RALYL: variants seen among roughly 807,000 people sequenced by gnomAD.
The protein encoded by RALYL is RALY RNA binding protein like.
In RALYL, 29 loss-of-function variants were observed where a neutral mutation model predicts 35.1. That is an observed-to-expected ratio of 0.83 (90% CI 0.61 to 1.13). The LOEUF is 1.13. Among genes scored for constraint, RALYL ranks in the 50% most tolerant of loss-of-function variants. The pLI, the probability that RALYL is intolerant of heterozygous loss-of-function variation, is 0.00. For synonymous variants in RALYL, 120 were observed against 127.6 expected, an observed-to-expected ratio of 0.94 and a Z score of 0.40; for missense variants, 359 against 360.4, an observed-to-expected ratio of 1.00 and a Z score of 0.03.
intron 2 of RALYL, among the ~76,000 whole-genome samples, chr8:84,719,981 G>A (rs754858393): frequency 1.3e-5 from 2 of 151,926 alleles, no homozygotes; most frequent in Non-Finnish European, 2.9e-5. Flanking sequence ...AATGAGACCA[G>A]CATTTTTAGA....
At chr8:84,211,438 C>T (rs1475163547) in intron 1 of RALYL, among the ~76,000 whole-genome samples, 1 of 152,090 alleles carries the variant, frequency 6.6e-6, no homozygotes, top group Non-Finnish European at 1.5e-5. Flanking sequence ...GCAACTTGCC[C>T]ATCTTCTCCA....
At chr8:84,742,253 A>C (rs1807547332) in intron 2 of RALYL, among the ~76,000 whole-genome samples, 1 of 151,894 alleles carries the variant, frequency 6.6e-6, no homozygotes, top group Admixed American at 6.6e-5. Context: ...TAATAGCAAA[A>C]TTTTCTGCCA....
intron 1 of RALYL, among the ~76,000 whole-genome samples, chr8:84,200,586 C>A (rs990444531): frequency 2.0e-5 from 3 of 151,880 alleles, no homozygotes; most frequent in African/African-American, 7.3e-5. Context: ...TTAACTAAAC[C>A]ACAACAGTTT....
chr8:84,916,191 G>A (rs996551904), intron 8 of RALYL, among the ~76,000 whole-genome samples: 1 of 151,956 alleles, frequency 6.6e-6, no homozygotes, highest in Non-Finnish European at 1.5e-5. Context: ...TTTCCTATAA[G>A]TATTATAAAG....
intron 2 of RALYL, among the ~76,000 whole-genome samples, chr8:84,540,093 C>T (rs746354616): frequency 2.0e-5 from 3 of 151,516 alleles, no homozygotes; most frequent in Non-Finnish European, 4.4e-5. Flanking sequence ...TCTAAAATCA[C>T]GTATTAATTT....
chr8:84,537,474 C>CAAA (rs397978512), intron 2 of RALYL, among the ~76,000 whole-genome samples: 1 of 84,948 alleles, frequency 1.2e-5, no homozygotes, highest in African/African-American at 3.9e-5. Flanking sequence ...AATCCTGTCT[C>CAAA]AAAAAAAAAA....
chr8:84,775,605 T>C (rs572880486), intron 3 of RALYL, among the ~76,000 whole-genome samples: 36 of 152,312 alleles, frequency 2.4e-4, no homozygotes, highest in African/African-American at 8.4e-4. Flanking sequence ...AGTGCTTGGG[T>C]CTGAGTCACT....
chr8:84,519,725 A>G (rs1177466497), intron 1 of RALYL, among the ~76,000 whole-genome samples: 1 of 152,218 alleles, frequency 6.6e-6, no homozygotes, highest in Non-Finnish European at 1.5e-5. Flanking sequence ...CCTTTTAGCA[A>G]TGTCTACAAC....
chr8:84,523,140 G>A (rs1158341675), intron 1 of RALYL, among the ~76,000 whole-genome samples: 1 of 152,104 alleles, frequency 6.6e-6, no homozygotes, highest in Non-Finnish European at 1.5e-5. Flanking sequence ...CCTGAGACTG[G>A]AATTGATAAA....
At chr8:84,284,019 A>G (rs1037719901) in intron 1 of RALYL, among the ~76,000 whole-genome samples, 1 of 152,214 alleles carries the variant, frequency 6.6e-6, no homozygotes, top group Non-Finnish European at 1.5e-5. Flanking sequence ...AAAATAGGAT[A>G]CTGACTATAA....
intron 1 of RALYL, among the ~76,000 whole-genome samples, 175 bp from the exon 2 acceptor site, chr8:84,529,124 T>C (rs988783708): frequency 4.6e-5 from 7 of 152,322 alleles, no homozygotes; most frequent in African/African-American, 1.4e-4. Flanking sequence ...ATGCAATACT[T>C]ACCTTTTATA....
At chr8:84,512,033 A>C (rs899798107) in intron 1 of RALYL, among the ~76,000 whole-genome samples, 2 of 151,724 alleles carry the variant, frequency 1.3e-5, no homozygotes, top group Admixed American at 6.6e-5. Context: ...GATATGCTGA[A>C]TTCCTTTTCC....
Position 84,887,543 on chromosome 8 carries a change from T to C in RALYL, c.686-61T>C, listed in dbSNP as rs1366773816. ...CCTTTCATGGACTGTTTTTTCATGG[T>C]TTATCCAAATGGCTCATGAGCAACC... On this transcript the variant is annotated intron_variant, in intron 7 of 8. Coordinates refer to ENST00000521268, the MANE Select transcript of RALYL (RefSeq NM_173848.7). The C allele has an allele frequency of 3.4e-6, 5 of 1,472,014 alleles. No homozygotes were observed. The South Asian group carries it at 5.4e-5, about 16-fold the overall frequency. The allele number at this position is 1,472,014 out of a possible 1,614,324, so 91.2% of individuals were successfully genotyped here. A position where few individuals can be genotyped will look rare whatever the true frequency, so the allele number is the denominator to read the frequency against.
At chr8:84,771,102 A>G (rs1563566135) in intron 2 of RALYL, among the ~76,000 whole-genome samples, 1 of 152,094 alleles carries the variant, frequency 6.6e-6, no homozygotes, top group Non-Finnish European at 1.5e-5. Context: ...TTTTGCAATT[A>G]AATTTACATG....
chr8:84,390,437 C>T (rs1374055841), intron 1 of RALYL, among the ~76,000 whole-genome samples: 1 of 151,986 alleles, frequency 6.6e-6, no homozygotes, highest in Non-Finnish European at 1.5e-5. Context: ...CTCCTTGTAC[C>T]TCTGGTGGAA....
chr8:84,428,652 A>G (rs1221927022), intron 1 of RALYL, among the ~76,000 whole-genome samples: 1 of 152,120 alleles, frequency 6.6e-6, no homozygotes, highest in Non-Finnish European at 1.5e-5. Context: ...TCTAACCTTT[A>G]CTTTTATTTG....
chr8:84,360,210 T>C (rs1852698970), intron 1 of RALYL, among the ~76,000 whole-genome samples: 1 of 152,186 alleles, frequency 6.6e-6, no homozygotes, highest in Non-Finnish European at 1.5e-5. Context: ...AAAGTGTTAC[T>C]TGAGTATCCT....
chr8:84,858,800 C>T (rs969364025), intron 5 of RALYL, among the ~76,000 whole-genome samples: 30 of 152,118 alleles, frequency 2.0e-4, no homozygotes, highest in African/African-American at 6.8e-4. Context: ...AAGCCTTCCC[C>T]GCTTTCTATC....
At chr8:84,241,629 C>A (rs1827909438) in intron 1 of RALYL, among the ~76,000 whole-genome samples, 1 of 151,790 alleles carries the variant, frequency 6.6e-6, no homozygotes, top group Non-Finnish European at 1.5e-5. Context: ...TATGAAAAAA[C>A]TAGCCGGGCT....
Sources: gnomAD v4.1 joint callset for allele counts (sites outside exome capture counted in the v4.1 genomes callset) on GRCh38, gnomAD v4.1.1 for gene constraint, MANE v1.5 for transcripts, NCBI Gene and HGNC (gene_info 2026-07-23, HGNC 2026-07-21) for gene names.